GRM2: variants seen among roughly 807,000 people sequenced by gnomAD.
GRM2 encodes the protein metabotropic glutamate receptor 2.
GRM2 carries 35 observed loss-of-function variants against 60.4 expected under a neutral mutation model. The observed-to-expected ratio is 0.58, with a 90% CI of 0.44 to 0.77. The LOEUF (loss-of-function observed/expected upper bound fraction) is 0.77. GRM2 is among the 30% of genes least tolerant of loss of function. The probability of loss-of-function intolerance (pLI) is 0.00; values close to 1 mark genes in which losing one functional copy is unlikely to be tolerated. For missense variants in GRM2, 925 were observed against 1,199.5 expected (o/e 0.77, Z 3.38); for synonymous variants, 437 against 484.1 (o/e 0.90, Z 1.28).
rs182791324 is a variant in GRM2, at chr3:51,709,487, C to T, written c.450+54C>T. 3.9e-6 allele frequency: 5 copies of T among 1,289,834 alleles called. No individual in the cohort carries two copies. In the East Asian group the frequency reaches 7.7e-5, roughly 20 times the overall value. The allele number at this position is 1,289,834 out of a possible 1,614,324, so 79.9% of individuals were successfully genotyped here. ...AGGGAGGGAGGCCGGAGGTGGTGAC[C>T]CAGAATTCCTGCTGAAAAGGGGCTC... On this transcript the variant is annotated intron_variant, in intron 2 of 5. Transcript: ENST00000395052.
At position 51,713,216 on chromosome 3, in the gene GRM2, C is replaced by T. The variant is rs764654460; in HGVS notation, c.1194C>T (p.Ala398=). The T allele has an allele frequency of 3.0e-5, 48 of 1,613,084 alleles. No individual in the cohort carries two copies. Among genetic ancestry groups the T allele is most frequent in the Non-Finnish European group, 3.3e-5 (39 of 1,180,038 alleles). ...ATGCGCTCCACAACATGCACCGTGCCCTCTGCCCCAACACCACCCGGCTCT... is the reference window on the plus strand; with the variant it reads ...ATGCGCTCCACAACATGCACCGTGCTCTCTGCCCCAACACCACCCGGCTCT... The part of the protein sequence containing the change: ...MAHALHNMHR[A]LCPNTTRLCD... The change falls in exon 3 of 6, where the codon GCC becomes GCT. Residue 398 remains alanine, a synonymous_variant. Coordinates refer to ENST00000395052, the MANE Select transcript of GRM2 (RefSeq NM_000839.5). The surrounding 1 kb of genome is among the most constrained non-coding windows in gnomAD (Gnocchi z 4.8).
chr3:51,715,710 G>C lies in GRM2; in HGVS notation c.1937G>C (p.Cys646Ser), dbSNP rs774622434. ...GGTTTGGGCACTGCCTTCTCTGTCT[G>C]CTACTCAGCCCTGCTCACCAAGACC... ...RLGLGTAFSVCYSALLTKTNR... is the reference protein window; with the variant it reads ...RLGLGTAFSVSYSALLTKTNR... Residue 646 changes from cysteine (C) to serine (S), a missense_variant, in exon 4 of 6, where the codon TGC (cysteine) becomes TCC (serine). Cys to Ser is a moderately radical substitution (Grantham distance 112). Transcript: ENST00000395052. The surrounding 1 kb of genome is among the most constrained non-coding windows in gnomAD (Gnocchi z 9.0). The C allele has an allele frequency of 6.2e-7, 1 of 1,614,080 alleles. No homozygotes were observed. The highest frequency in any genetic ancestry group is 1.3e-5 in the African/African-American group (1 of 74,934).
In GRM2 at chr3:51,715,395, G is replaced by T. The variant is rs943731376; in HGVS notation, c.1622G>T (p.Gly541Val). ...GACGAATTCACTTGCGCTGATTGTG[G>T]CCTGGGCTACTGGCCCAATGCCAGC... ...RLDEFTCADC[G>V]LGYWPNASLT... The change falls in exon 4 of 6, where the codon GGC becomes GTC. Residue 541 changes from glycine (G) to valine (V), a missense_variant. Coordinates refer to ENST00000395052, the MANE Select transcript of GRM2 (RefSeq NM_000839.5). The surrounding 1 kb of genome is among the most constrained non-coding windows in gnomAD (Gnocchi z 9.0). 5 of 1,613,458 alleles carry T rather than the reference G, an allele frequency of 3.1e-6. No individual in the cohort carries two copies. In the African/African-American group the frequency reaches 5.3e-5, roughly 17 times the overall value.
rs754752279 is a variant in GRM2 at position 51,713,234 on chromosome 3, C to T, written c.1212C>T (p.Thr404=). ...NMHRALCPNT[T]RLCDAMRPVN... is the part of the protein sequence containing the mutation. ...ACCGTGCCCTCTGCCCCAACACCAC[C>T]CGGCTCTGTGACGCGATGCGGCCAG... Residue 404 remains threonine, a synonymous_variant, in exon 3 of 6, where the codon ACC becomes ACT. Transcript: ENST00000395052. The surrounding 1 kb of genome is among the most constrained non-coding windows in gnomAD (Gnocchi z 4.8). 6.2e-7 allele frequency: 1 copy of T among 1,613,098 alleles called. No homozygotes were observed. Among genetic ancestry groups the T allele is most frequent in the East Asian group, 2.2e-5 (1 of 44,886 alleles).
rs1282161649 is a variant in GRM2, at chr3:51,709,152, C to T, written c.169C>T (p.Arg57Cys). The stretch of plus-strand genomic sequence containing the variant: ...GGACTGTGGTCCTGTCAATGAGCAC[C>T]GTGGCATCCAGCGCCTGGAGGCCAT... The part of the protein sequence containing the change: ...AEDCGPVNEH[R>C]GIQRLEAMLF... Residue 57 changes from arginine (R) to cysteine (C), a missense_variant, in exon 2 of 6, where the codon CGT (arginine) becomes TGT (cysteine). By Grantham distance (180) the Arg-to-Cys change is radical. Transcript: ENST00000395052. 23 of 1,612,500 alleles carry T rather than the reference C, an allele frequency of 1.4e-5. No homozygotes were observed. The highest frequency in any genetic ancestry group is 2.2e-5 in the East Asian group (1 of 44,876).
Position 51,717,761 on chromosome 3 carries a change from C to T in GRM2, c.2489C>T (p.Ala830Val), listed in dbSNP as rs773167971. The T allele has an allele frequency of 3.7e-5, 60 of 1,614,010 alleles. No individual in the cohort carries two copies. Among genetic ancestry groups the T allele is most frequent in the Non-Finnish European group, 4.8e-5 (57 of 1,180,030 alleles). ...CAGAAGAACGTGGTTAGCCACCGGGCACCCACCAGCCGCTTTGGCAGTGCT... is the reference window on the plus strand; with the variant it reads ...CAGAAGAACGTGGTTAGCCACCGGGTACCCACCAGCCGCTTTGGCAGTGCT... ...QPQKNVVSHR[A>V]PTSRFGSAAA... is the part of the protein sequence containing the mutation. The change falls in exon 5 of 6, where the codon GCA (alanine) becomes GTA (valine). Residue 830 changes from alanine (A) to valine (V), a missense_variant. Coordinates refer to ENST00000395052, the MANE Select transcript of GRM2 (RefSeq NM_000839.5). The surrounding 1 kb of genome is among the most constrained non-coding windows in gnomAD (Gnocchi z 6.0).
intron 2 of GRM2, among the ~76,000 whole-genome samples, chr3:51,710,658 C>T (rs1703681174): frequency 9.5e-6 from 1 of 104,936 alleles, no homozygotes; most frequent in African/African-American, 3.8e-5. Flanking sequence ...AGAGAGTCTT[C>T]AGGGGGCACA....
Position 51,713,379 on chromosome 3 carries a change from T to C in GRM2, c.1288+69T>C, listed in dbSNP as rs1388752793. On this transcript the variant is annotated intron_variant, in intron 3 of 5. Transcript: ENST00000395052. The surrounding 1 kb of genome is among the most constrained non-coding windows in gnomAD (Gnocchi z 4.8). ...GGATGAGGGGAAGCAGAACTTCAGC[T>C]TCCATTCCTTTGCTAAGGAAACAGT... 6 of 1,072,718 alleles carry C rather than the reference T, an allele frequency of 5.6e-6. No individual in the cohort carries two copies. The highest frequency in any genetic ancestry group is 1.6e-5 in the African/African-American group (1 of 63,384). 66.4% of individuals were successfully genotyped at this position (1,072,718 alleles called of 1,614,324 possible). A position where few individuals can be genotyped will look rare whatever the true frequency, so the allele number is the denominator to read the frequency against.
Position 51,715,054 on chromosome 3 carries a change from C to G in GRM2, c.1289-8C>G, listed in dbSNP as rs201150100. The G allele has an allele frequency of 4.6e-6, 7 of 1,517,666 alleles. No homozygotes were observed. Among genetic ancestry groups the G allele is most frequent in the Non-Finnish European group, 5.4e-6 (6 of 1,121,210 alleles). The allele number at this position is 1,517,666 out of a possible 1,614,324, so 94.0% of individuals were successfully genotyped here. A position where few individuals can be genotyped will look rare whatever the true frequency, so the allele number is the denominator to read the frequency against. ...CCAACCTTCTCTTCCTTCCCTCCCC[C>G]ATCCTAGCCCCCTTTCGCCCAGCTG... On this transcript the variant is annotated splice_region_variant and splice_polypyrimidine_tract_variant and intron_variant, in intron 3 of 5. Transcript: ENST00000395052. The surrounding 1 kb of genome is among the most constrained non-coding windows in gnomAD (Gnocchi z 9.0).
At position 51,718,518 on chromosome 3, in the gene GRM2, G is replaced by A. The variant is rs1703981770; in HGVS notation, c.*406G>A. Reference sequence around the variant, plus strand: ...TATAAGTTACTCTGGGATGGGGAGGGTGGTTATTGTGGGGGCTGCCCCTCC... The same window carrying A: ...TATAAGTTACTCTGGGATGGGGAGGATGGTTATTGTGGGGGCTGCCCCTCC... On this transcript the variant is annotated 3_prime_UTR_variant, in exon 6 of 6. Transcript: ENST00000395052. The surrounding 1 kb of genome is among the most constrained non-coding windows in gnomAD (Gnocchi z 4.2). The A allele has an allele frequency of 5.2e-6, 1 of 193,646 alleles. No individual in the cohort carries two copies. The highest frequency in any genetic ancestry group is 2.4e-5 in the African/African-American group (1 of 42,412). 12.0% of individuals were successfully genotyped at this position (193,646 alleles called of 1,614,324 possible).
Position 51,717,478 on chromosome 3 carries a change from C to T in GRM2, c.2365-159C>T, listed in dbSNP as rs1703944316. ...GTCTGGGTCTGATGCTGGGACTGTG[C>T]CCAATTTTCCTAGCAATGCTTTGGG... On this transcript the variant is annotated intron_variant, in intron 4 of 5. Coordinates refer to ENST00000395052, the MANE Select transcript of GRM2 (RefSeq NM_000839.5). The surrounding 1 kb of genome is among the most constrained non-coding windows in gnomAD (Gnocchi z 6.0). Among the ~76,000 whole-genome samples, 1 of 152,172 alleles carries T rather than the reference C, an allele frequency of 6.6e-6. No homozygotes were observed. Among genetic ancestry groups the T allele is most frequent in the Admixed American group, 6.5e-5 (1 of 15,284 alleles).
In GRM2 at chr3:51,708,855, G is replaced by A; in HGVS notation, c.-129G>A. 4 of 662,172 alleles carry A rather than the reference G, an allele frequency of 6.0e-6. No homozygotes were observed. In the South Asian group the frequency reaches 9.0e-5, roughly 15 times the overall value. 41.0% of individuals were successfully genotyped at this position (662,172 alleles called of 1,614,324 possible). A position where few individuals can be genotyped will look rare whatever the true frequency, so the allele number is the denominator to read the frequency against. ...CTTTCTATCTCTCTGCAGGAGCTGG[G>A]TCCCTTCGCATCTCTCTTCTTGTCT... On this transcript the variant is annotated 5_prime_UTR_variant, in exon 2 of 6. Transcript: ENST00000395052.
rs1222377274 is a variant in GRM2 at position 51,713,183 on chromosome 3, C to T, written c.1161C>T (p.Ala387=). The T allele has an allele frequency of 6.2e-7, 1 of 1,613,178 alleles. No homozygotes were observed. Among genetic ancestry groups the T allele is most frequent in the Non-Finnish European group, 8.5e-7 (1 of 1,180,024 alleles). ...KIMFVVNAVY[A]MAHALHNMHR... ...TGTTTGTGGTCAATGCAGTGTACGC[C>T]ATGGCCCATGCGCTCCACAACATGC... Residue 387 remains alanine (A), a synonymous_variant, in exon 3 of 6, where the codon GCC becomes GCT. Coordinates refer to ENST00000395052, the MANE Select transcript of GRM2 (RefSeq NM_000839.5). This position sits in a 1 kb window ranked among gnomAD's most constrained non-coding sequence, Gnocchi z 4.8.
chr3:51,714,994 T>C, intron 3 of GRM2, 68 bp from the exon 4 acceptor site: 1 of 966,660 alleles, frequency 1.0e-6, no homozygotes, highest in Non-Finnish European at 1.6e-6. Flanking sequence ...CATGTTAGGG[T>C]GAATGTTGAG....
In GRM2 at chr3:51,708,910, C is replaced by A; in HGVS notation, c.-74C>A. The A allele has an allele frequency of 8.5e-7, 1 of 1,177,054 alleles. No homozygotes were observed. Among genetic ancestry groups the A allele is most frequent in the African/African-American group, 1.5e-5 (1 of 65,358 alleles). The allele number at this position is 1,177,054 out of a possible 1,614,324, so 72.9% of individuals were successfully genotyped here. A position where few individuals can be genotyped will look rare whatever the true frequency, so the allele number is the denominator to read the frequency against. ...TTTCCTGGTCCCTGTTTCCTCCTCT[C>A]TTTGCCTTCGCTGCTTCTAATCTCA... is the stretch of plus-strand genomic sequence containing the variant. On this transcript the variant is annotated 5_prime_UTR_variant, in exon 2 of 6. Coordinates refer to ENST00000395052, the MANE Select transcript of GRM2 (RefSeq NM_000839.5).
intron 1 of GRM2, chr3:51,708,065 G>A (rs1703567790): frequency 6.6e-6 from 1 of 152,226 alleles, no homozygotes; most frequent in Non-Finnish European, 1.5e-5. Context: ...CTCAAGCAGT[G>A]TTCTACACAG....
In GRM2 at chr3:51,718,258, AC is replaced by A; in HGVS notation, c.*150del. 1 of 719,938 alleles carries A rather than the reference AC, an allele frequency of 1.4e-6. No individual in the cohort carries two copies. 44.6% of individuals were successfully genotyped at this position (719,938 alleles called of 1,614,324 possible). A position where few individuals can be genotyped will look rare whatever the true frequency, so the allele number is the denominator to read the frequency against. ...CCCAAAGTCACTTACCCACCTCCTT[AC>A]CCCAGCTCTTCAGACTCAGAAGTCA... On this transcript the variant is annotated 3_prime_UTR_variant, in exon 6 of 6. Transcript: ENST00000395052. This position sits in a 1 kb window ranked among gnomAD's most constrained non-coding sequence, Gnocchi z 4.2.
In GRM2 at chr3:51,717,899, G is replaced by T. The variant is rs1453090697; in HGVS notation, c.2545+82G>T. 6.1e-6 allele frequency: 9 copies of T among 1,475,410 alleles called. No individual in the cohort carries two copies. In the East Asian group the frequency reaches 2.0e-4, roughly 33 times the overall value. The allele number at this position is 1,475,410 out of a possible 1,614,324, so 91.4% of individuals were successfully genotyped here. A position where few individuals can be genotyped will look rare whatever the true frequency, so the allele number is the denominator to read the frequency against. On this transcript the variant is annotated intron_variant, in intron 5 of 5. Coordinates refer to ENST00000395052, the MANE Select transcript of GRM2 (RefSeq NM_000839.5). The surrounding 1 kb of genome is among the most constrained non-coding windows in gnomAD (Gnocchi z 6.0). ...GGTTGCTGAGATCTCTTGTCTGGGG[G>T]TGAGGTGCCCCCCAAATGACACTGG...
At position 51,716,093 on chromosome 3, in the gene GRM2, C is replaced by T. The variant is rs200680550; in HGVS notation, c.2320C>T (p.Leu774=). The stretch of plus-strand genomic sequence containing the variant: ...CATGTACACCACCTGCATCATCTGG[C>T]TGGCATTCCTGCCCATCTTCTATGT... ...FTMYTTCIIW[L]AFLPIFYVTS... Residue 774 remains leucine (L), a synonymous_variant, in exon 4 of 6, where the codon CTG becomes TTG. Transcript: ENST00000395052. This position sits in a 1 kb window ranked among gnomAD's most constrained non-coding sequence, Gnocchi z 4.0. The T allele has an allele frequency of 1.2e-6, 2 of 1,614,210 alleles. No individual in the cohort carries two copies. Among genetic ancestry groups the T allele is most frequent in the South Asian group, 2.2e-5 (2 of 91,080 alleles).
Sources: allele counts gnomAD v4.1 joint callset (sites outside exome capture counted in the v4.1 genomes callset), GRCh38; gene constraint gnomAD v4.1.1; non-coding constraint Gnocchi (gnomAD v3.1); transcripts MANE v1.5; gene names NCBI Gene and HGNC (gene_info 2026-07-23, HGNC 2026-07-21).